RIPK1: variants seen among roughly 807,000 people sequenced by gnomAD.
RIPK1 encodes receptor interacting serine/threonine kinase 1.
Under a neutral mutation model 62.4 loss-of-function variants are expected in RIPK1, and 27 were observed. The observed-to-expected ratio is 0.43, with a 90% CI of 0.32 to 0.60. RIPK1 has a LOEUF of 0.60. RIPK1 is among the 20% of genes least tolerant of loss of function. The pLI, the probability that RIPK1 is intolerant of heterozygous loss-of-function variation, is 0.07. For synonymous variants in RIPK1, 287 were observed against 303.2 expected, an observed-to-expected ratio of 0.95 and a Z score of 0.55; for missense variants, 735 against 831.0, an observed-to-expected ratio of 0.88 and a Z score of 1.42.
chr6:3,083,329 C>G lies in RIPK1; in HGVS notation c.688+16C>G. 2.5e-6 allele frequency: 4 copies of G among 1,593,276 alleles called. No individual in the cohort carries two copies. Among genetic ancestry groups the G allele is most frequent in the South Asian group, 1.1e-5 (1 of 89,590 alleles). ...CCATATGAAAGTAAGGCATTACTTA[C>G]TTTCCACTGCCGTCCCCTCAGCATC... On this transcript the variant is annotated intron_variant, in intron 5 of 10. Coordinates refer to ENST00000259808, the MANE Select transcript of RIPK1 (RefSeq NM_001354930.2).
At chr6:3,098,070 C>T (rs1183983249) in intron 7 of RIPK1, among the ~76,000 whole-genome samples, 1 of 152,014 alleles carries the variant, frequency 6.6e-6, no homozygotes, top group Non-Finnish European at 1.5e-5. Context: ...GTGGTGGTGC[C>T]CACTTTCGGT....
At chr6:3,106,275 A>T (rs1437838269) in intron 9 of RIPK1, among the ~76,000 whole-genome samples, 1 of 152,172 alleles carries the variant, frequency 6.6e-6, no homozygotes, top group Non-Finnish European at 1.5e-5. Flanking sequence ...GCATCGGGTT[A>T]CAGGTCCTTG....
chr6:3,068,786 A>G (rs1758521038), intron 1 of RIPK1, 125 bp downstream of exon 1: 5 of 474,500 alleles, frequency 1.1e-5, no homozygotes, highest in Non-Finnish European at 1.4e-5. Flanking sequence ...GCGGCGTCGG[A>G]GTAATCCCCA....
At chr6:3,087,115 T>C (rs898375187) in intron 6 of RIPK1, among the ~76,000 whole-genome samples, 2 of 152,206 alleles carry the variant, frequency 1.3e-5, no homozygotes, top group Non-Finnish European at 2.9e-5. Flanking sequence ...TTTTTTTCCT[T>C]ATAGGGAAGG....
At position 3,105,502 on chromosome 6, in the gene RIPK1, C is replaced by T. The variant is rs1292514211; in HGVS notation, c.1027C>T (p.Leu343=). The T allele has an allele frequency of 1.3e-6, 2 of 1,561,204 alleles. No homozygotes were observed. Among genetic ancestry groups the T allele is most frequent in the East Asian group, 2.2e-5 (1 of 44,620 alleles). Residue 343 remains leucine, a synonymous_variant, in exon 9 of 11, where the codon CTG becomes TTG. Transcript: ENST00000259808. The surrounding 1 kb of genome is among the most constrained non-coding windows in gnomAD (Gnocchi z 4.5). ...SNSATEQPGS[L]HSSQGLGMGP... is the part of the protein sequence containing the mutation. ...CTCAGCCACAGAACAGCCTGGTTCACTGCACAGTTCCCAGGGACTTGGGAT... is the reference window on the plus strand; with the variant it reads ...CTCAGCCACAGAACAGCCTGGTTCATTGCACAGTTCCCAGGGACTTGGGAT...
chr6:3,096,100 G>A (rs1290601622), intron 7 of RIPK1, among the ~76,000 whole-genome samples: 1 of 152,090 alleles, frequency 6.6e-6, no homozygotes, highest in African/African-American at 2.4e-5. Flanking sequence ...GCTTCCCAAA[G>A]TGCTGGAATT....
rs201997109 is a variant in RIPK1 at position 3,083,043 on chromosome 6, G to A, written c.460-42G>A. The A allele has an allele frequency of 1.6e-5, 25 of 1,582,658 alleles. 1 individual carries two copies. Among genetic ancestry groups the A allele is most frequent in the Middle Eastern group, 1.7e-4 (1 of 6,012 alleles). On this transcript the variant is annotated intron_variant, in intron 4 of 10. Transcript: ENST00000259808. ...TGAAAGTCAGATCTGATTTGCTTACGGCCTTCACCAAACAATCCCAGTGGC... is the reference window on the plus strand; with the variant it reads ...TGAAAGTCAGATCTGATTTGCTTACAGCCTTCACCAAACAATCCCAGTGGC...
At position 3,068,547 on chromosome 6, in the gene RIPK1, G is replaced by A. The variant is rs1465376862; in HGVS notation, c.-175G>A. 1 of 985,176 alleles carries A rather than the reference G, an allele frequency of 1.0e-6. No individual in the cohort carries two copies. The highest frequency in any genetic ancestry group is 1.2e-6 in the Non-Finnish European group (1 of 829,888). The allele number at this position is 985,176 out of a possible 1,614,324, so 61.0% of individuals were successfully genotyped here. On this transcript the variant is annotated 5_prime_UTR_variant, in exon 1 of 11. Coordinates refer to ENST00000259808, the MANE Select transcript of RIPK1 (RefSeq NM_001354930.2). ...GACGCGGACGGCGGGCCAGCTGCCG[G>A]AGCGCGGCGACTCCAGGGGACCCAC...
At chr6:3,109,313 A>G (rs1389942019) in intron 9 of RIPK1, among the ~76,000 whole-genome samples, 1 of 152,110 alleles carries the variant, frequency 6.6e-6, no homozygotes, top group Non-Finnish European at 1.5e-5. Flanking sequence ...AGCAGGGAGA[A>G]GCACGTGGGG....
chr6:3,101,203 G>A (rs563136865), intron 7 of RIPK1, among the ~76,000 whole-genome samples: 2 of 152,298 alleles, frequency 1.3e-5, no homozygotes, highest in South Asian at 2.1e-4. Context: ...TCTTGAGCCT[G>A]GAGGTTGAGC....
At chr6:3,069,739 C>T (rs1370745985) in intron 1 of RIPK1, among the ~76,000 whole-genome samples, 3 of 152,324 alleles carry the variant, frequency 2.0e-5, no homozygotes, top group Middle Eastern at 3.4e-3. Context: ...GCGTCGGGCA[C>T]GGTGGCTCAC....
intron 7 of RIPK1, among the ~76,000 whole-genome samples, 166 bp downstream of exon 7, chr6:3,089,823 C>G (rs1029041853): frequency 1.4e-4 from 22 of 152,174 alleles, no homozygotes; most frequent in African/African-American, 9.7e-5. Flanking sequence ...TGTTGGCATA[C>G]TGGACCCATT....
rs138727991 is a variant in RIPK1, at chr6:3,072,827, C to T, written c.-60-3937C>T. On this transcript the variant is annotated intron_variant, in intron 1 of 10. Coordinates refer to ENST00000259808, the MANE Select transcript of RIPK1 (RefSeq NM_001354930.2). The surrounding 1 kb of genome is among the most constrained non-coding windows in gnomAD (Gnocchi z 5.6). ...GATGACCCTTATGGAATGGGGAAGG[C>T]TTCACAGTTCTGCCTGCTCCAGTGA... Among the ~76,000 whole-genome samples, 4 of 152,272 alleles carry T rather than the reference C, an allele frequency of 2.6e-5. No individual in the cohort carries two copies. Among genetic ancestry groups the T allele is most frequent in the Non-Finnish European group, 5.9e-5 (4 of 68,008 alleles).
intron 9 of RIPK1, among the ~76,000 whole-genome samples, chr6:3,107,375 T>G (rs1581436494): frequency 7.4e-6 from 1 of 134,692 alleles, no homozygotes; most frequent in Non-Finnish European, 1.6e-5. Context: ...GCTAACACGG[T>G]GAAACCCCGT....
intron 9 of RIPK1, among the ~76,000 whole-genome samples, chr6:3,110,306 T>A (rs1169497700): frequency 6.6e-6 from 1 of 150,902 alleles, no homozygotes; most frequent in African/African-American, 2.4e-5. Context: ...CCTCCTGGGT[T>A]CAAGTGATTC....
chr6:3,070,506 C>G (rs1029775954), intron 1 of RIPK1, among the ~76,000 whole-genome samples: 1 of 152,190 alleles, frequency 6.6e-6, no homozygotes, highest in East Asian at 1.9e-4. Flanking sequence ...GGCGCGATCG[C>G]GGCTTAATGT....
intron 3 of RIPK1, 72 bp downstream of exon 3, chr6:3,078,007 GTGTT>G: frequency 6.7e-7 from 1 of 1,494,286 alleles, no homozygotes; most frequent in Non-Finnish European, 9.1e-7. Context: ...TCCCCTTGGG[GTGTT>G]TGTTTGCAGC....
At chr6:3,078,071 C>CTT (rs1759188420) in intron 3 of RIPK1, 136 bp downstream of exon 3, 3 of 823,198 alleles carry the variant, frequency 3.6e-6, no homozygotes, top group African/African-American at 1.7e-5. Flanking sequence ...TTTTCTTTTC[C>CTT]TTTTTTTATA....
upstream of RIPK1, chr6:3,068,489 C>A (rs1422677454): frequency 1.0e-6 from 1 of 985,184 alleles, no homozygotes; most frequent in Non-Finnish European, 1.2e-6. Context: ...GGAGGCAGCG[C>A]GAACAGTCCA....
Sources: gnomAD v4.1 joint callset for allele counts (sites outside exome capture counted in the v4.1 genomes callset) on GRCh38, gnomAD v4.1.1 for gene constraint, Gnocchi (gnomAD v3.1) non-coding constraint, MANE v1.5 for transcripts, NCBI Gene and HGNC (gene_info 2026-07-23, HGNC 2026-07-21) for gene names.